Variants in RAB31 observed in about 807,000 individuals in gnomAD.
RAB31 encodes the protein ras-related protein Rab-31.
RAB31 carries 21 observed loss-of-function variants against 25.6 expected under a neutral mutation model. That is an observed-to-expected ratio of 0.82 (90% CI 0.58 to 1.18). The LOEUF (loss-of-function observed/expected upper bound fraction) is 1.18. Ranked by LOEUF, RAB31 falls within the 50% of genes most tolerant of loss-of-function variation. The probability of loss-of-function intolerance (pLI) is 0.00; values close to 1 mark genes in which losing one functional copy is unlikely to be tolerated. For missense variants in RAB31, 196 were observed against 250.1 expected, an observed-to-expected ratio of 0.78 and a Z score of 1.46; for synonymous variants, 87 against 84.0, an observed-to-expected ratio of 1.04 and a Z score of -0.20.
At chr18:9,763,600 T>TTATATATATATA (rs57545209) in intron 1 of RAB31, among the ~76,000 whole-genome samples, 10 of 141,696 alleles carry the variant, frequency 7.1e-5, no homozygotes, top group African/African-American at 2.3e-4. Flanking sequence ...AAGAAAAAAA[T>TTATATATATATA]TATATATATA....
chr18:9,850,278 T>C (rs1181171819), intron 6 of RAB31, among the ~76,000 whole-genome samples: 1 of 152,032 alleles, frequency 6.6e-6, no homozygotes, highest in Non-Finnish European at 1.5e-5. Flanking sequence ...CAAGTTTTGG[T>C]TTGTAGATTA....
intron 2 of RAB31, among the ~76,000 whole-genome samples, chr18:9,783,780 A>C (rs1346792769): frequency 6.6e-6 from 1 of 152,220 alleles, no homozygotes; most frequent in Non-Finnish European, 1.5e-5. Flanking sequence ...CTTGAGAAAA[A>C]TTCCTTTACA....
chr18:9,737,870 C>T (rs1889235448), intron 1 of RAB31, among the ~76,000 whole-genome samples: 1 of 152,102 alleles, frequency 6.6e-6, no homozygotes, highest in Admixed American at 6.6e-5. Flanking sequence ...GATACCCCAC[C>T]CCCTTCTGCT....
At chr18:9,721,985 C>T (rs986177959) in intron 1 of RAB31, among the ~76,000 whole-genome samples, 4 of 152,110 alleles carry the variant, frequency 2.6e-5, no homozygotes, top group African/African-American at 9.7e-5. Flanking sequence ...TGTGTGCCAC[C>T]AGACAGAGAG....
intron 1 of RAB31, among the ~76,000 whole-genome samples, chr18:9,711,426 G>A (rs2145450895): frequency 6.6e-6 from 1 of 152,212 alleles, no homozygotes; most frequent in East Asian, 1.9e-4. Context: ...AGGCTGGAGT[G>A]CAATGGTGCC....
chr18:9,843,618 C>A (rs1278977483), intron 5 of RAB31, among the ~76,000 whole-genome samples: 1 of 150,306 alleles, frequency 6.7e-6, no homozygotes, highest in Non-Finnish European at 1.5e-5. Flanking sequence ...CAGAGAAAAG[C>A]ACTTTTCTGT....
intron 1 of RAB31, among the ~76,000 whole-genome samples, chr18:9,744,345 T>C (rs977416123): frequency 1.3e-5 from 2 of 152,228 alleles, no homozygotes; most frequent in African/African-American, 2.4e-5. Context: ...CTCCAAGCCG[T>C]AGGAAAAGCA....
At chr18:9,841,471 A>G (rs1041936425) in intron 5 of RAB31, among the ~76,000 whole-genome samples, 1 of 150,178 alleles carries the variant, frequency 6.7e-6, no homozygotes, top group Non-Finnish European at 1.5e-5. Flanking sequence ...CCCGGGAGGC[A>G]GAGCTTGCAG....
At chr18:9,820,102 A>G (rs1158398267) in intron 5 of RAB31, among the ~76,000 whole-genome samples, 1 of 152,068 alleles carries the variant, frequency 6.6e-6, no homozygotes, top group Non-Finnish European at 1.5e-5. Context: ...GCCTGGAATA[A>G]AAGTAATGAG....
At chr18:9,835,164 C>T (rs556565115) in intron 5 of RAB31, among the ~76,000 whole-genome samples, 2 of 152,266 alleles carry the variant, frequency 1.3e-5, no homozygotes, top group South Asian at 4.2e-4. Flanking sequence ...TAGGGTCCAG[C>T]TTCTGACCTA....
In RAB31 at chr18:9,708,771, C is replaced by T. The variant is rs1327065747; in HGVS notation, c.39+327C>T. 6.6e-6 allele frequency among the ~76,000 whole-genome samples: 1 copy of T among 151,900 alleles called. No individual in the cohort carries two copies. Among genetic ancestry groups the T allele is most frequent in the African/African-American group, 2.4e-5 (1 of 41,376 alleles). ...CTGCCCCGGGCTTACTCCGCTCTTT[C>T]CTCCCGGCCCGCGAGTCCCCGGATC... On this transcript the variant is annotated intron_variant, in intron 1 of 6. Coordinates refer to ENST00000578921, the MANE Select transcript of RAB31 (RefSeq NM_006868.4). This position sits in a 1 kb window ranked among gnomAD's most constrained non-coding sequence, Gnocchi z 6.4.
chr18:9,775,545 C>T (rs531714313), intron 2 of RAB31, among the ~76,000 whole-genome samples, 188 bp downstream of exon 2: 5 of 101,400 alleles, frequency 4.9e-5, no homozygotes, highest in East Asian at 2.6e-4. Context: ...CTGTCCCTGT[C>T]GGTCATTTTT....
intron 2 of RAB31, among the ~76,000 whole-genome samples, chr18:9,782,108 G>A (rs531855010): frequency 3.3e-5 from 5 of 151,136 alleles, no homozygotes; most frequent in African/African-American, 1.2e-4. Flanking sequence ...CAGGCCTCCC[G>A]GCTTCATGCC....
chr18:9,805,537 C>T lies in RAB31; in HGVS notation c.202-8483C>T, dbSNP rs139498015. ...GGACACTGGGCCCACCCAAGGAATGCAAGATAATGTCCTCATATGAAGGTC... is the reference window on the plus strand; with the variant it reads ...GGACACTGGGCCCACCCAAGGAATGTAAGATAATGTCCTCATATGAAGGTC... On this transcript the variant is annotated intron_variant, in intron 3 of 6. Coordinates refer to ENST00000578921, the MANE Select transcript of RAB31 (RefSeq NM_006868.4). 6.6e-5 allele frequency among the ~76,000 whole-genome samples: 10 copies of T among 152,238 alleles called. No individual in the cohort carries two copies. The East Asian group carries it at 1.9e-3, about 29-fold the overall frequency.
intron 1 of RAB31, among the ~76,000 whole-genome samples, chr18:9,764,241 C>G (rs2068303042): frequency 6.6e-6 from 1 of 152,166 alleles, no homozygotes; most frequent in African/African-American, 2.4e-5. Flanking sequence ...CCTTTGATTC[C>G]TTTGTAAAGT....
chr18:9,818,020 G>A lies in RAB31; in HGVS notation c.380+2798G>A, dbSNP rs188335396. Among the ~76,000 whole-genome samples the A allele has an allele frequency of 3.3e-5, 5 of 152,214 alleles. No homozygotes were observed. In the East Asian group the frequency reaches 5.8e-4, roughly 18 times the overall value. On this transcript the variant is annotated intron_variant, in intron 5 of 6. Transcript: ENST00000578921. ...TTTGGCCTCAGTGAGGTCGGAATGT[G>A]GCTCCTCAAGATCCTGCAGTTGCGT...
chr18:9,814,105 C>T lies in RAB31; in HGVS notation c.273+14C>T. On this transcript the variant is annotated intron_variant, in intron 4 of 6. Coordinates refer to ENST00000578921, the MANE Select transcript of RAB31 (RefSeq NM_006868.4). The stretch of plus-strand genomic sequence containing the variant: ...ATTACCAAGCAGGTAAGAATGTCTC[C>T]TTCAGAATTTAGATGTCATTTATGG... 1 of 1,539,126 alleles carries T rather than the reference C, an allele frequency of 6.5e-7. No homozygotes were observed.
At chr18:9,758,441 G>A (rs2068271036) in intron 1 of RAB31, among the ~76,000 whole-genome samples, 2 of 151,996 alleles carry the variant, frequency 1.3e-5, no homozygotes, top group African/African-American at 2.4e-5. Flanking sequence ...CTCTGCTTGT[G>A]TTCTCCTCCC....
intron 1 of RAB31, among the ~76,000 whole-genome samples, chr18:9,738,930 G>T (rs894970135): frequency 6.6e-6 from 1 of 152,180 alleles, no homozygotes. Context: ...ACTAGAGAAC[G>T]CTGGTGTCCG....
Sources: allele counts gnomAD v4.1 joint callset (sites outside exome capture counted in the v4.1 genomes callset), GRCh38; gene constraint gnomAD v4.1.1; non-coding constraint Gnocchi (gnomAD v3.1); transcripts MANE v1.5; gene names NCBI Gene and HGNC (gene_info 2026-07-23, HGNC 2026-07-21).